Variants in CCDC102A observed in about 807,000 individuals in gnomAD.
The protein encoded by CCDC102A is coiled-coil domain containing 102A.
In CCDC102A, 40 loss-of-function variants were observed where a neutral mutation model predicts 55.5. The ratio of observed to expected loss-of-function variants is 0.72; its 90% CI spans 0.56 to 0.94. The LOEUF (loss-of-function observed/expected upper bound fraction) is 0.94, where lower values mean the gene tolerates loss of function less well. CCDC102A is among the 40% of genes least tolerant of loss of function. The pLI, the probability that CCDC102A is intolerant of heterozygous loss-of-function variation, is 0.00. For missense variants in CCDC102A, 779 were observed against 768.6 expected, an observed-to-expected ratio of 1.01 and a Z score of -0.16; for synonymous variants, 323 against 339.0, an observed-to-expected ratio of 0.95 and a Z score of 0.52.
chr16:57,515,738 G>A (rs949103156), intron 7 of CCDC102A, among the ~76,000 whole-genome samples: 4 of 151,018 alleles, frequency 2.6e-5, no homozygotes, highest in Non-Finnish European at 5.9e-5. Flanking sequence ...CGGACCATTC[G>A]TCCAGGGAGA....
rs2032202700 is a variant in CCDC102A at position 57,529,073 on chromosome 16, G to C, written c.105C>G (p.Ala35=). 1.7e-6 allele frequency: 2 copies of C among 1,159,810 alleles called. No homozygotes were observed. The highest frequency in any genetic ancestry group is 2.1e-6 in the Non-Finnish European group (2 of 941,840). 71.8% of individuals were successfully genotyped at this position (1,159,810 alleles called of 1,614,324 possible). A position where few individuals can be genotyped will look rare whatever the true frequency, so the allele number is the denominator to read the frequency against. ...GSPSPERMGP[A]DSLPPTPPSG... ...TGGGCGGCGTGGGCGGCAAGGAGTC[G>C]GCAGGCCCCATGCGCTCCGGCGACG... The change falls in exon 2 of 9, where the codon GCC becomes GCG. Residue 35 remains alanine, a synonymous_variant. Coordinates refer to ENST00000258214, the MANE Select transcript of CCDC102A (RefSeq NM_033212.4). The surrounding 1 kb of genome is among the most constrained non-coding windows in gnomAD (Gnocchi z 4.1).
chr16:57,518,982 G>A lies in CCDC102A; in HGVS notation c.922-241C>T, dbSNP rs370646187. 1.2e-4 allele frequency among the ~76,000 whole-genome samples: 18 copies of A among 152,256 alleles called. No homozygotes were observed. In the South Asian group the frequency reaches 1.7e-3, roughly 14 times the overall value. Reference sequence around the variant, plus strand: ...ACTCCTGGCCCTTCTCTGTCAACCCGTTTTCTACAACAGCAGCCCAGAGGG... The same window carrying A: ...ACTCCTGGCCCTTCTCTGTCAACCCATTTTCTACAACAGCAGCCCAGAGGG... On this transcript the variant is annotated intron_variant, in intron 4 of 8. Transcript: ENST00000258214.
At chr16:57,522,957 A>T (rs1451665456) in intron 3 of CCDC102A, among the ~76,000 whole-genome samples, 1 of 152,244 alleles carries the variant, frequency 6.6e-6, no homozygotes, top group East Asian at 1.9e-4. Flanking sequence ...CCCTGAGCTC[A>T]GGAGTTCGAG....
chr16:57,515,629 C>T (rs1011627567), intron 7 of CCDC102A, among the ~76,000 whole-genome samples, 185 bp from the exon 8 acceptor site: 23 of 152,078 alleles, frequency 1.5e-4, no homozygotes, highest in African/African-American at 5.3e-4. Flanking sequence ...CCTCTCCATC[C>T]CCTTTGCCTC....
At position 57,512,698 on chromosome 16, in the gene CCDC102A, G is replaced by C. The variant is rs2031886312; in HGVS notation, c.*43C>G. On this transcript the variant is annotated 3_prime_UTR_variant, in exon 9 of 9. Coordinates refer to ENST00000258214, the MANE Select transcript of CCDC102A (RefSeq NM_033212.4). ...TGAGTGGCTGGTTAGCCTGGACCCT[G>C]GGCAGGTATGGGGCGGCCCATCCTG... 1 of 1,588,404 alleles carries C rather than the reference G, an allele frequency of 6.3e-7. No individual in the cohort carries two copies. Among genetic ancestry groups the C allele is most frequent in the Non-Finnish European group, 8.6e-7 (1 of 1,166,090 alleles).
intron 1 of CCDC102A, among the ~76,000 whole-genome samples, chr16:57,531,973 C>T (rs1237511369): frequency 6.6e-6 from 1 of 152,212 alleles, no homozygotes; most frequent in East Asian, 1.9e-4. Context: ...GACCCCGCTG[C>T]ATTTCTCTAG....
intron 1 of CCDC102A, among the ~76,000 whole-genome samples, chr16:57,532,591 G>C (rs1354411214): frequency 6.6e-6 from 1 of 152,146 alleles, no homozygotes; most frequent in Non-Finnish European, 1.5e-5. Context: ...TGCATGGAGA[G>C]ACATTTGCCT....
rs76405561 is a variant in CCDC102A, at chr16:57,527,890, C to G, written c.585+703G>C. ...CCTTTTTCCAAACTCACCAGGCCCT[C>G]TCGGCCTCTAGACTTTTTGCACAGG... On this transcript the variant is annotated intron_variant, in intron 2 of 8. Coordinates refer to ENST00000258214, the MANE Select transcript of CCDC102A (RefSeq NM_033212.4). Among the ~76,000 whole-genome samples, 878 of 152,392 alleles carry G rather than the reference C, an allele frequency of 5.8e-3. 2 individuals carry two copies. The highest frequency in any genetic ancestry group is 9.8e-3 in the Non-Finnish European group (664 of 68,036).
chr16:57,518,671 C>A lies in CCDC102A; in HGVS notation c.992G>T (p.Gly331Val). The change falls in exon 5 of 9, where the codon GGT (glycine) becomes GTT (valine). Residue 331 changes from glycine (G) to valine (V), a missense_variant. Physicochemically the swap from Gly to Val is moderately radical, Grantham distance 109. Coordinates refer to ENST00000258214, the MANE Select transcript of CCDC102A (RefSeq NM_033212.4). ...TTTCCGGTCCATGCTGGAGCGTGCACCGAGCTCATCTTCCAGGTCCTCAGA... is the reference window on the plus strand; with the variant it reads ...TTTCCGGTCCATGCTGGAGCGTGCAACGAGCTCATCTTCCAGGTCCTCAGA... ...RMSEDLEDEL[G>V]ARSSMDRKMA... The A allele has an allele frequency of 1.9e-6, 3 of 1,613,888 alleles. No homozygotes were observed. Among genetic ancestry groups the A allele is most frequent in the Non-Finnish European group, 2.5e-6 (3 of 1,179,970 alleles).
At chr16:57,518,390 G>T in intron 5 of CCDC102A, 113 bp from the exon 6 acceptor site, 1 of 974,072 alleles carries the variant, frequency 1.0e-6, no homozygotes, top group Non-Finnish European at 1.5e-6. Context: ...AGCAGATCCA[G>T]CTGCATTGGC....
chr16:57,520,522 A>T lies in CCDC102A; in HGVS notation c.921+546T>A, dbSNP rs2146703041. On this transcript the variant is annotated intron_variant, in intron 4 of 8. Transcript: ENST00000258214. ...GGGACCTTGCCTGCCCAGCACTCAG[A>T]ACAACTCAGAAAAAATAACATAACA... is the stretch of plus-strand genomic sequence containing the variant. Among the ~76,000 whole-genome samples the T allele has an allele frequency of 2.0e-5, 3 of 151,302 alleles. 1 individual carries two copies. In the Admixed American group the frequency reaches 2.0e-4, roughly 10 times the overall value.
In CCDC102A at chr16:57,521,488, C is replaced by T. The variant is rs562707189; in HGVS notation, c.813-312G>A. Among the ~76,000 whole-genome samples, 9 of 152,300 alleles carry T rather than the reference C, an allele frequency of 5.9e-5. No homozygotes were observed. In the East Asian group the frequency reaches 1.7e-3, roughly 29 times the overall value. On this transcript the variant is annotated intron_variant, in intron 3 of 8. Coordinates refer to ENST00000258214, the MANE Select transcript of CCDC102A (RefSeq NM_033212.4). ...ACCTCAGGCTCATCTGAAAATGGCT[C>T]CAGGAGGTGGCGGCCCCAGCACTGG...
In CCDC102A at chr16:57,518,136, G is replaced by C. The variant is rs569442735; in HGVS notation, c.1180C>G (p.Arg394Gly). 7.5e-6 allele frequency: 12 copies of C among 1,610,190 alleles called. No individual in the cohort carries two copies. The East Asian group carries it at 2.7e-4, about 36-fold the overall frequency. The change falls in exon 6 of 9, where the codon CGG becomes GGG. Residue 394 changes from arginine (R) to glycine (G), a missense_variant. Transcript: ENST00000258214. ...DLEEALARRR[R>G]QTASALDCDL... Reference sequence around the variant, plus strand: ...CAGTCCAGTGCGCTGGCTGTTTGCCGCCGCCGCCGGGCCAGCGCCTCCTCC... The same window carrying C: ...CAGTCCAGTGCGCTGGCTGTTTGCCCCCGCCGCCGGGCCAGCGCCTCCTCC...
At chr16:57,535,282 G>T (rs546192167) in intron 1 of CCDC102A, among the ~76,000 whole-genome samples, 2 of 152,182 alleles carry the variant, frequency 1.3e-5, no homozygotes, top group Non-Finnish European at 2.9e-5. Context: ...TAGGCCTCCA[G>T]GCTGGACCTA....
chr16:57,530,829 G>A (rs755706616), intron 1 of CCDC102A, among the ~76,000 whole-genome samples: 7 of 151,726 alleles, frequency 4.6e-5, no homozygotes, highest in Non-Finnish European at 7.4e-5. Context: ...GTCCACACTC[G>A]CCGTCTCCAC....
intron 1 of CCDC102A, among the ~76,000 whole-genome samples, chr16:57,532,924 C>T (rs900442924): frequency 4.6e-5 from 7 of 152,202 alleles, no homozygotes; most frequent in African/African-American, 7.2e-5. Flanking sequence ...TTCTTGCAGC[C>T]GCTGAACTAG....
chr16:57,532,329 G>A (rs1292889735), intron 1 of CCDC102A, among the ~76,000 whole-genome samples: 2 of 152,084 alleles, frequency 1.3e-5, no homozygotes, highest in Non-Finnish European at 1.5e-5. Flanking sequence ...TCTGTGTCAC[G>A]CACCCAGACA....
intron 4 of CCDC102A, among the ~76,000 whole-genome samples, chr16:57,520,571 C>G (rs948049801): frequency 5.3e-5 from 7 of 133,024 alleles, no homozygotes; most frequent in African/African-American, 2.3e-4. Context: ...CATAACATAA[C>G]ATAACATAAC....
chr16:57,533,597 C>A (rs2032314075), intron 1 of CCDC102A, among the ~76,000 whole-genome samples: 1 of 151,686 alleles, frequency 6.6e-6, no homozygotes, highest in African/African-American at 2.4e-5. Flanking sequence ...CACACTCACA[C>A]ATGGCCCCAG....
Sources: allele counts gnomAD v4.1 joint callset (sites outside exome capture counted in the v4.1 genomes callset), GRCh38; gene constraint gnomAD v4.1.1; non-coding constraint Gnocchi (gnomAD v3.1); transcripts MANE v1.5; gene names NCBI Gene and HGNC (gene_info 2026-07-23, HGNC 2026-07-21).